KIAA0586: variants seen among roughly 807,000 people sequenced by gnomAD.
KIAA0586 encodes protein TALPID3.
In KIAA0586, 144 loss-of-function variants were observed where a neutral mutation model predicts 169.8. The observed-to-expected ratio is 0.85, with a 90% CI of 0.74 to 0.97. KIAA0586 has a LOEUF of 0.97. KIAA0586 is among the 50% of genes least tolerant of loss of function. KIAA0586 has a pLI of 0.00. For missense variants in KIAA0586, 1,854 were observed against 1,823.0 expected, an observed-to-expected ratio of 1.02 and a Z score of -0.31; for synonymous variants, 625 against 612.4, an observed-to-expected ratio of 1.02 and a Z score of -0.30.
At chr14:58,441,543 T>G (rs917553543) in intron 4 of KIAA0586, among the ~76,000 whole-genome samples, 1 of 152,082 alleles carries the variant, frequency 6.6e-6, no homozygotes, top group Non-Finnish European at 1.5e-5. Flanking sequence ...AGGATGAAAT[T>G]ATCAATAATG....
chr14:58,435,465 G>A (rs2037748238), intron 4 of KIAA0586, among the ~76,000 whole-genome samples: 1 of 152,052 alleles, frequency 6.6e-6, no homozygotes, highest in Non-Finnish European at 1.5e-5. Context: ...ATTTCTTTGT[G>A]TTAGGAACCT....
intron 28 of KIAA0586, among the ~76,000 whole-genome samples, chr14:58,511,551 C>A (rs923206102): frequency 6.6e-6 from 1 of 152,156 alleles, no homozygotes; most frequent in Non-Finnish European, 1.5e-5. Context: ...CCAATAGAAA[C>A]GTTCAAAGTC....
chr14:58,521,771 G>C (rs2045246976), intron 29 of KIAA0586: 1 of 802,124 alleles, frequency 1.2e-6, no homozygotes, highest in African/African-American at 1.7e-5. Context: ...AGGATGATAA[G>C]TCGGAAGAGG....
intron 7 of KIAA0586, among the ~76,000 whole-genome samples, 155 bp from the exon 8 acceptor site, chr14:58,450,424 A>G (rs1366557639): frequency 6.6e-6 from 1 of 152,066 alleles, no homozygotes; most frequent in Non-Finnish European, 1.5e-5. Context: ...ATTTCTTTTG[A>G]TTTTTAATGG....
chr14:58,534,528 A>G (rs554082392), intron 29 of KIAA0586, among the ~76,000 whole-genome samples: 1 of 152,342 alleles, frequency 6.6e-6, no homozygotes, highest in African/African-American at 2.4e-5. Context: ...TTTCAATTAA[A>G]TCAAGTGGCT....
At chr14:58,453,934 A>G (rs1260569030) in intron 9 of KIAA0586, among the ~76,000 whole-genome samples, 1 of 152,146 alleles carries the variant, frequency 6.6e-6, no homozygotes, top group Non-Finnish European at 1.5e-5. Flanking sequence ...TGATAATTAT[A>G]TTTATCTTCA....
intron 30 of KIAA0586, among the ~76,000 whole-genome samples, chr14:58,544,625 T>G (rs1481148863): frequency 6.6e-6 from 1 of 152,208 alleles, no homozygotes; most frequent in Admixed American, 6.5e-5. Context: ...AGCAGTGATA[T>G]TGAGCTTTTA....
Position 58,492,859 on chromosome 14 carries a change from G to A in KIAA0586, c.3990+584G>A, listed in dbSNP as rs143902091. The stretch of plus-strand genomic sequence containing the variant: ...CCATTTGTTAAGGGATGACAGCCAA[G>A]AAATATTAAAGCATATTTGGAAAGT... On this transcript the variant is annotated intron_variant, in intron 26 of 30. Coordinates refer to ENST00000652326, the MANE Select transcript of KIAA0586 (RefSeq NM_001329943.3). Among the ~76,000 whole-genome samples, 115 of 152,338 alleles carry A rather than the reference G, an allele frequency of 7.5e-4. 1 individual carries two copies. Among genetic ancestry groups the A allele is most frequent in the Non-Finnish European group, 1.5e-3 (103 of 68,030 alleles).
chr14:58,537,693 G>T (rs760157907), intron 29 of KIAA0586, among the ~76,000 whole-genome samples: 1 of 151,614 alleles, frequency 6.6e-6, no homozygotes, highest in Non-Finnish European at 1.5e-5. Flanking sequence ...TGTCACCCAC[G>T]CTGGAGTGCA....
chr14:58,520,425 T>A (rs557983026), intron 29 of KIAA0586, among the ~76,000 whole-genome samples: 1 of 152,328 alleles, frequency 6.6e-6, no homozygotes, highest in African/African-American at 2.4e-5. Flanking sequence ...TTCTGGACAT[T>A]TCATATAAGT....
chr14:58,457,375 C>T (rs915466576), intron 10 of KIAA0586, among the ~76,000 whole-genome samples: 11 of 152,132 alleles, frequency 7.2e-5, no homozygotes, highest in African/African-American at 2.7e-4. Flanking sequence ...TCAAGCAATT[C>T]TTCTACCTCA....
chr14:58,490,754 A>G (rs2042788753), intron 25 of KIAA0586, among the ~76,000 whole-genome samples: 1 of 152,128 alleles, frequency 6.6e-6, no homozygotes, highest in Non-Finnish European at 1.5e-5. Context: ...ATATATAAAT[A>G]TATAGAAGTG....
chr14:58,476,314 AG>A (rs1447265644), intron 19 of KIAA0586, among the ~76,000 whole-genome samples: 6 of 152,198 alleles, frequency 3.9e-5, no homozygotes, highest in Admixed American at 6.5e-5. Context: ...ATGTTCTAGA[AG>A]TCTCCTGTTC....
chr14:58,532,544 A>C (rs191883983), intron 29 of KIAA0586, among the ~76,000 whole-genome samples: 1 of 152,122 alleles, frequency 6.6e-6, no homozygotes, highest in Non-Finnish European at 1.5e-5. Context: ...TTCAGAAAAG[A>C]TATCTTTTAA....
chr14:58,485,767 C>T (rs760798796), intron 21 of KIAA0586, among the ~76,000 whole-genome samples: 14 of 152,158 alleles, frequency 9.2e-5, no homozygotes, highest in Non-Finnish European at 1.9e-4. Flanking sequence ...CATCTCCCTG[C>T]TGTCTTCATC....
chr14:58,490,127 C>T (rs1555393411), intron 24 of KIAA0586, 37 bp from the exon 25 acceptor site: 2 of 924,504 alleles, frequency 2.2e-6, no homozygotes. Flanking sequence ...GTTTGTGTTT[C>T]TTTTTTTTTT....
In KIAA0586 at chr14:58,487,879, A is replaced by AT. The variant is rs397781261; in HGVS notation, c.3305-8_3305-7insT. On this transcript the variant is annotated splice_region_variant and splice_polypyrimidine_tract_variant and intron_variant, in intron 22 of 30. Coordinates refer to ENST00000652326, the MANE Select transcript of KIAA0586 (RefSeq NM_001329943.3). ...TCTTTTTCTGTCCTTTTAAAAAAAAACCTTTAGGAGATGATATGCCTGCCA... is the reference window on the plus strand; with the variant it reads ...TCTTTTTCTGTCCTTTTAAAAAAAAATCCTTTAGGAGATGATATGCCTGCCA... 1.3e-6 allele frequency: 2 copies of AT among 1,599,390 alleles called. No individual in the cohort carries two copies. The highest frequency in any genetic ancestry group is 1.7e-5 in the Admixed American group (1 of 58,572).
chr14:58,534,188 G>T (rs2046150020), intron 29 of KIAA0586, among the ~76,000 whole-genome samples: 1 of 152,132 alleles, frequency 6.6e-6, no homozygotes, highest in Admixed American at 6.6e-5. Flanking sequence ...AGATACAGAG[G>T]CACTTAGCTT....
rs776449447 is a variant in KIAA0586 at position 58,494,105 on chromosome 14, T to C, written c.3990+1830T>C. ...TTTATCTTCATTCTTTCTTTCTCTT[T>C]TTTTTTTCTTCCTTTCATTTTTCCC... is the stretch of plus-strand genomic sequence containing the variant. On this transcript the variant is annotated intron_variant, in intron 26 of 30. Coordinates refer to ENST00000652326, the MANE Select transcript of KIAA0586 (RefSeq NM_001329943.3). Among the ~76,000 whole-genome samples the C allele has an allele frequency of 8.0e-4, 121 of 152,166 alleles. 1 individual carries two copies. The highest frequency in any genetic ancestry group is 1.4e-3 in the Non-Finnish European group (92 of 68,006).
Sources: allele counts gnomAD v4.1 joint callset (sites outside exome capture counted in the v4.1 genomes callset), GRCh38; gene constraint gnomAD v4.1.1; transcripts MANE v1.5; gene names NCBI Gene and HGNC (gene_info 2026-07-23, HGNC 2026-07-21).